CADM2: variants seen among roughly 807,000 people sequenced by gnomAD.
CADM2 encodes cell adhesion molecule 2, also known as immunoglobulin superfamily member 4D.
In CADM2, 12 loss-of-function variants were observed where a neutral mutation model predicts 49.8. The ratio of observed to expected loss-of-function variants is 0.24; its 90% CI spans 0.15 to 0.39. The LOEUF (loss-of-function observed/expected upper bound fraction) is 0.39. Among genes scored for constraint, CADM2 ranks in the 10% least tolerant of loss-of-function variants. CADM2 has a pLI of 1.00. For synonymous variants in CADM2, 214 were observed against 175.4 expected, an observed-to-expected ratio of 1.22 and a Z score of -1.74; for missense variants, 378 against 492.3, an observed-to-expected ratio of 0.77 and a Z score of 2.20.
intron 1 of CADM2, among the ~76,000 whole-genome samples, chr3:85,156,376 G>T (rs1444663230): frequency 5.3e-5 from 8 of 152,116 alleles, no homozygotes; most frequent in Admixed American, 1.3e-4. Context: ...AAATCTAGAA[G>T]AAATGGATAA....
intron 3 of CADM2, among the ~76,000 whole-genome samples, chr3:85,816,757 C>G (rs2073232470): frequency 6.6e-6 from 1 of 152,146 alleles, no homozygotes; most frequent in South Asian, 2.1e-4. Flanking sequence ...AAAACACACA[C>G]AGCGACTCGC....
intron 2 of CADM2, among the ~76,000 whole-genome samples, chr3:85,727,462 C>G (rs2067749204): frequency 6.6e-6 from 1 of 152,074 alleles, no homozygotes; most frequent in Non-Finnish European, 1.5e-5. Context: ...TTTATTGTCA[C>G]CTTTCTTATA....
chr3:85,614,207 G>A (rs1028154686), intron 1 of CADM2, among the ~76,000 whole-genome samples: 3 of 151,482 alleles, frequency 2.0e-5, no homozygotes, highest in Non-Finnish European at 4.4e-5. Flanking sequence ...TGTGTTTGAT[G>A]ATTCAATTTT....
At chr3:85,291,561 G>A (rs2043796729) in intron 1 of CADM2, among the ~76,000 whole-genome samples, 1 of 147,156 alleles carries the variant, frequency 6.8e-6, no homozygotes, top group Non-Finnish European at 1.5e-5. Flanking sequence ...ACCCTCAAAG[G>A]GAAGCCCATC....
intron 1 of CADM2, among the ~76,000 whole-genome samples, chr3:85,704,581 G>A (rs2066879341): frequency 6.6e-6 from 1 of 151,944 alleles, no homozygotes; most frequent in East Asian, 1.9e-4. Context: ...CACTAATTCT[G>A]TTCATGAGGG....
At chr3:85,983,457 A>G (rs1727707110) in intron 8 of CADM2, among the ~76,000 whole-genome samples, 1 of 151,740 alleles carries the variant, frequency 6.6e-6, no homozygotes, top group Non-Finnish European at 1.5e-5. Flanking sequence ...CAAATTGAGC[A>G]TCAGTGTTTT....
In CADM2 at chr3:85,935,799, C is replaced by G. The variant is rs899384778; in HGVS notation, c.733C>G (p.Pro245Ala). 57 of 1,606,736 alleles carry G rather than the reference C, an allele frequency of 3.5e-5. No homozygotes were observed. The highest frequency in any genetic ancestry group is 4.6e-5 in the Non-Finnish European group (54 of 1,174,852). The change falls in exon 7 of 10, where the codon CCT becomes GCT. Residue 245 changes from proline to alanine, a missense_variant. Coordinates refer to ENST00000383699, the MANE Select transcript of CADM2 (RefSeq NM_001167675.2). ...TPSVKIIPST[P>A]FPQEGQPLIL... ...ATCAGTTAAGATTATACCATCGACT[C>G]CTTTTCCACAAGAAGGACAGCCTTT...
intron 1 of CADM2, among the ~76,000 whole-genome samples, chr3:85,500,526 T>G (rs2040073393): frequency 6.6e-6 from 1 of 152,178 alleles, no homozygotes; most frequent in South Asian, 2.1e-4. Flanking sequence ...GGTGGAATTT[T>G]TTTTTTTTTG....
chr3:85,009,789 C>T (rs1349484854), intron 1 of CADM2, among the ~76,000 whole-genome samples: 1 of 151,608 alleles, frequency 6.6e-6, no homozygotes, highest in Non-Finnish European at 1.5e-5. Context: ...TCACTTGAAC[C>T]CCGGAGGTGG....
chr3:85,593,213 C>T (rs2063153803), intron 1 of CADM2, among the ~76,000 whole-genome samples: 1 of 151,596 alleles, frequency 6.6e-6, no homozygotes, highest in South Asian at 2.1e-4. Context: ...TTTTAGGGTA[C>T]ATGTGCACAA....
chr3:85,526,609 C>G (rs534625266), intron 1 of CADM2, among the ~76,000 whole-genome samples: 51 of 152,212 alleles, frequency 3.4e-4, no homozygotes, highest in African/African-American at 1.2e-3. Flanking sequence ...AACTCATTTT[C>G]TTCACATAAA....
At chr3:85,674,611 G>A (rs1288565647) in intron 1 of CADM2, among the ~76,000 whole-genome samples, 1 of 152,090 alleles carries the variant, frequency 6.6e-6, no homozygotes, top group Non-Finnish European at 1.5e-5. Context: ...TATTTAAACA[G>A]ATGAAAGAAA....
At chr3:85,363,181 C>G (rs754244230) in intron 1 of CADM2, among the ~76,000 whole-genome samples, 9 of 152,156 alleles carry the variant, frequency 5.9e-5, no homozygotes, top group Non-Finnish European at 1.3e-4. Flanking sequence ...TCATCTCAAA[C>G]ACAATTTCCA....
chr3:85,038,069 G>C (rs1480781854), intron 1 of CADM2, among the ~76,000 whole-genome samples: 1 of 152,144 alleles, frequency 6.6e-6, no homozygotes, highest in Middle Eastern at 3.4e-3. Flanking sequence ...CCAATGCCTG[G>C]TATAGTTTGT....
chr3:85,032,601 T>C (rs1233919593), intron 1 of CADM2, among the ~76,000 whole-genome samples: 1 of 152,210 alleles, frequency 6.6e-6, no homozygotes, highest in African/African-American at 2.4e-5. Context: ...TCTGTATGCA[T>C]TGCAATGAAA....
intron 1 of CADM2, among the ~76,000 whole-genome samples, chr3:85,384,479 T>A (rs1310104013): frequency 2.0e-5 from 3 of 151,790 alleles, no homozygotes; most frequent in Non-Finnish European, 4.4e-5. Flanking sequence ...GCCCGGCTAA[T>A]TTTTTTGTAT....
chr3:85,023,980 A>G (rs1321216415), intron 1 of CADM2, among the ~76,000 whole-genome samples: 1 of 152,098 alleles, frequency 6.6e-6, no homozygotes, highest in African/African-American at 2.4e-5. Context: ...AAGTTTTCAT[A>G]TCAAAAATAA....
At chr3:85,005,644 A>G (rs2033681547) in intron 1 of CADM2, among the ~76,000 whole-genome samples, 1 of 152,028 alleles carries the variant, frequency 6.6e-6, no homozygotes. Flanking sequence ...GCAGAGATGG[A>G]ATAACGTGAG....
At chr3:85,113,014 T>A (rs1369619888) in intron 1 of CADM2, among the ~76,000 whole-genome samples, 1 of 152,038 alleles carries the variant, frequency 6.6e-6, no homozygotes, top group African/African-American at 2.4e-5. Context: ...TAGTTGCTTA[T>A]AAAACATTTA....
Sources: gnomAD v4.1 joint callset for allele counts (sites outside exome capture counted in the v4.1 genomes callset) on GRCh38, gnomAD v4.1.1 for gene constraint, MANE v1.5 for transcripts, NCBI Gene and HGNC (gene_info 2026-07-23, HGNC 2026-07-21) for gene names.